ITGAE: variants seen among roughly 807,000 people sequenced by gnomAD.
ITGAE encodes integrin subunit alpha E.
A neutral mutation model predicts 136.5 loss-of-function variants in ITGAE; 99 were observed. The observed-to-expected ratio is 0.73, with a 90% confidence interval of 0.62 to 0.86. The LOEUF (loss-of-function observed/expected upper bound fraction) is 0.86. ITGAE is among the 40% of genes least tolerant of loss of function. The pLI, the probability that ITGAE is intolerant of heterozygous loss-of-function variation, is 0.00. For missense variants in ITGAE, 1,447 were observed against 1,515.3 expected (o/e 0.95, Z 0.75); for synonymous variants, 613 against 591.8 (o/e 1.04, Z -0.52).
chr17:3,725,752 A>T, intron 26 of ITGAE: 2 of 1,588,296 alleles, frequency 1.3e-6, no homozygotes, highest in Non-Finnish European at 1.7e-6. Context: ...CTGGAATTTG[A>T]GTTTGGAGGG....
chr17:3,800,051 A>G lies in ITGAE; in HGVS notation c.34+1060T>C, dbSNP rs932993634. 4.6e-5 allele frequency among the ~76,000 whole-genome samples: 7 copies of G among 152,346 alleles called. No homozygotes were observed. In the South Asian group the frequency reaches 6.2e-4, roughly 14 times the overall value. Reference sequence around the variant, plus strand: ...GGAGAACTGCTTGAACCTGGGAGGCAGAAGTTATGGTGAGCCAAGATCCAG... The same window carrying G: ...GGAGAACTGCTTGAACCTGGGAGGCGGAAGTTATGGTGAGCCAAGATCCAG... On this transcript the variant is annotated intron_variant, in intron 1 of 30. Coordinates refer to ENST00000263087, the MANE Select transcript of ITGAE (RefSeq NM_002208.5).
intron 1 of ITGAE, among the ~76,000 whole-genome samples, chr17:3,792,084 C>T (rs2052952010): frequency 6.6e-6 from 1 of 152,166 alleles, no homozygotes; most frequent in Non-Finnish European, 1.5e-5. Context: ...TTCCCTGAGT[C>T]TGGCACAAAG....
At chr17:3,726,955 C>A (rs2051228137) in intron 26 of ITGAE, among the ~76,000 whole-genome samples, 1 of 151,972 alleles carries the variant, frequency 6.6e-6, no homozygotes, top group Non-Finnish European at 1.5e-5. Context: ...GTCTCGAACT[C>A]CTCACCTTGT....
intron 18 of ITGAE, among the ~76,000 whole-genome samples, chr17:3,744,062 G>C (rs990721287): frequency 2.0e-5 from 3 of 151,144 alleles, no homozygotes; most frequent in Non-Finnish European, 2.9e-5. Flanking sequence ...CCAGTCTGGA[G>C]GGCAGCAGCA....
At chr17:3,723,460 G>A (rs2051103295) in intron 27 of ITGAE, 77 bp from the exon 28 acceptor site, 2 of 1,157,710 alleles carry the variant, frequency 1.7e-6, no homozygotes, top group Non-Finnish European at 2.6e-6. Context: ...TTCGGACACA[G>A]AGCATCGTAA....
intron 1 of ITGAE, among the ~76,000 whole-genome samples, chr17:3,793,314 GT>G (rs1228964007): frequency 6.6e-6 from 1 of 151,920 alleles, no homozygotes; most frequent in African/African-American, 2.4e-5. Flanking sequence ...AGCCTCCAAA[GT>G]GCTGGGATTA....
At chr17:3,723,623 T>C in intron 27 of ITGAE, 65 bp downstream of exon 27, 1 of 1,456,624 alleles carries the variant, frequency 6.9e-7, no homozygotes, top group Non-Finnish European at 9.2e-7. Context: ...AACAGTCTCC[T>C]GGCCTCTCGT....
rs869087347 is a variant in ITGAE at position 3,721,260 on chromosome 17, CTTTTTTTTTTT to C, written c.3238-869_3238-859del. ...TTTTATTTAACGTAAGAGATTTTTCCTTTTTTTTTTTTTTTTTTTTTTTTTTTTTGAGACAA... is the reference window on the plus strand; with the variant it reads ...TTTTATTTAACGTAAGAGATTTTTCCTTTTTTTTTTTTTTTTTTGAGACAA... On this transcript the variant is annotated intron_variant, in intron 28 of 30. Coordinates refer to ENST00000263087, the MANE Select transcript of ITGAE (RefSeq NM_002208.5). 5.1e-3 allele frequency among the ~76,000 whole-genome samples: 234 copies of C among 46,254 alleles called. 2 individuals are homozygous for C. Among genetic ancestry groups the C allele is most frequent in the African/African-American group, 0.025 (215 of 8,608 alleles). 30.3% of individuals were successfully genotyped at this position (46,254 alleles called of 152,430 possible). A position where few individuals can be genotyped will look rare whatever the true frequency, so the allele number is the denominator to read the frequency against.
chr17:3,783,516 A>G (rs1028578602), intron 1 of ITGAE, among the ~76,000 whole-genome samples: 2 of 152,236 alleles, frequency 1.3e-5, no homozygotes, highest in African/African-American at 2.4e-5. Flanking sequence ...TTATACGGAA[A>G]CTGTATTTTT....
intron 1 of ITGAE, among the ~76,000 whole-genome samples, chr17:3,780,201 C>T (rs1035809476): frequency 6.8e-6 from 1 of 146,178 alleles, no homozygotes; most frequent in Non-Finnish European, 1.5e-5. Context: ...AATGGAGTCA[C>T]ACTCTGTCAC....
chr17:3,788,283 A>G (rs2052847312), intron 1 of ITGAE, among the ~76,000 whole-genome samples: 1 of 149,518 alleles, frequency 6.7e-6, no homozygotes, highest in Non-Finnish European at 1.5e-5. Context: ...TGTACACAGT[A>G]TGTTTTCTTT....
chr17:3,757,957 G>T, intron 8 of ITGAE, 98 bp from the exon 9 acceptor site: 2 of 1,399,370 alleles, frequency 1.4e-6, no homozygotes, highest in South Asian at 2.5e-5. Context: ...GAATTGGGAG[G>T]GTTCACAATC....
rs772718596 is a variant in ITGAE at position 3,759,389 on chromosome 17, C to A, written c.866+13G>T. 2 of 1,609,946 alleles carry A rather than the reference C, an allele frequency of 1.2e-6. No homozygotes were observed. The highest frequency in any genetic ancestry group is 2.2e-5 in the South Asian group (2 of 91,008). ...GGCATGGCCAGAATAATTCCTGCAG[C>A]CCCCACACTCACAAGACGTGTTGCA... On this transcript the variant is annotated intron_variant, in intron 8 of 30. Coordinates refer to ENST00000263087, the MANE Select transcript of ITGAE (RefSeq NM_002208.5).
intron 8 of ITGAE, among the ~76,000 whole-genome samples, 156 bp from the exon 9 acceptor site, chr17:3,758,015 G>A (rs1354465281): frequency 6.6e-6 from 1 of 152,172 alleles, no homozygotes; most frequent in East Asian, 1.9e-4. Flanking sequence ...AAGTCACGCA[G>A]CGAGGCTGGG....
chr17:3,742,984 C>A (rs567719850), intron 19 of ITGAE, among the ~76,000 whole-genome samples: 77 of 152,350 alleles, frequency 5.1e-4, no homozygotes, highest in African/African-American at 1.6e-3. Flanking sequence ...ACCCGCCTGT[C>A]TAAGCTGCAC....
chr17:3,773,471 A>G (rs1054433923), intron 2 of ITGAE, among the ~76,000 whole-genome samples: 4 of 151,906 alleles, frequency 2.6e-5, no homozygotes, highest in Admixed American at 2.6e-4. Flanking sequence ...GTGGCAGAGC[A>G]AGACTCTGCC....
chr17:3,728,367 C>CCTT (rs1437119580), intron 24 of ITGAE, 199 bp from the exon 25 acceptor site: 53 of 288,230 alleles, frequency 1.8e-4, no homozygotes, highest in Non-Finnish European at 2.9e-4. Context: ...TACACTCATC[C>CCTT]CTTTTTTTTT....
At chr17:3,719,154 TG>T (rs1457773682) in intron 29 of ITGAE, among the ~76,000 whole-genome samples, 10 of 145,422 alleles carry the variant, frequency 6.9e-5, no homozygotes, top group Non-Finnish European at 1.2e-4. Flanking sequence ...AAGAATCACT[TG>T]AACTGGGGAG....
chr17:3,748,051 A>T lies in ITGAE; in HGVS notation c.2026T>A (p.Ser676Thr). The T allele has an allele frequency of 6.2e-7, 1 of 1,610,084 alleles. No homozygotes were observed. Among genetic ancestry groups the T allele is most frequent in the Non-Finnish European group, 8.5e-7 (1 of 1,177,654 alleles). Reference sequence around the variant, plus strand: ...ACCTTCAGGCGAACCACAGGCCGGGAGCTAAACAAGACAGCAAAGAGGATG... The same window carrying T: ...ACCTTCAGGCGAACCACAGGCCGGGTGCTAAACAAGACAGCAAAGAGGATG... The part of the protein sequence containing the change: ...GTLGQAVVFR[S>T]RPVVRLKVSM... The change falls in exon 17 of 31, where the codon TCC (serine) becomes ACC (threonine). Residue 676 changes from serine to threonine, a missense_variant and splice_region_variant. Around this residue, in one of 3 missense-constraint regions of ITGAE, gnomAD observed 1,031 missense variants for 1,011.4 expected, o/e 1.02. Coordinates refer to ENST00000263087, the MANE Select transcript of ITGAE (RefSeq NM_002208.5).
Sources: allele counts gnomAD v4.1 joint callset (sites outside exome capture counted in the v4.1 genomes callset), GRCh38; gene constraint gnomAD v4.1.1; regional missense constraint gnomAD v4.1.1; transcripts MANE v1.5; gene names NCBI Gene and HGNC (gene_info 2026-07-23, HGNC 2026-07-21).